Variants in VTI1A observed in about 807,000 individuals in gnomAD.
The protein encoded by VTI1A is vesicle transport through interaction with t-SNAREs homolog 1A.
A neutral mutation model predicts 34.9 loss-of-function variants in VTI1A; 22 were observed. The observed-to-expected ratio is 0.63, with a 90% CI of 0.45 to 0.90. VTI1A has a LOEUF of 0.90. Ranked by LOEUF, VTI1A falls within the 40% of genes least tolerant of loss-of-function variation. The pLI is 0.00. For missense variants in VTI1A, 268 were observed against 275.6 expected, an observed-to-expected ratio of 0.97 and a Z score of 0.20; for synonymous variants, 87 against 97.3, an observed-to-expected ratio of 0.89 and a Z score of 0.62.
Position 112,642,364 on chromosome 10 carries a change from C to A in VTI1A, c.428-25854C>A, listed in dbSNP as rs190184185. 3.0e-4 allele frequency among the ~76,000 whole-genome samples: 46 copies of A among 152,304 alleles called. No homozygotes were observed. The East Asian group carries it at 7.7e-3, about 26-fold the overall frequency. Reference sequence around the variant, plus strand: ...TGAGTTGTATTCCTCTGATCCCCCCCTCTCCATCAGTTCTATGGGTTATCA... The same window carrying A: ...TGAGTTGTATTCCTCTGATCCCCCCATCTCCATCAGTTCTATGGGTTATCA... On this transcript the variant is annotated intron_variant, in intron 5 of 7. Transcript: ENST00000393077.
chr10:112,818,384 C>T lies in VTI1A; in HGVS notation c.*3001C>T, dbSNP rs145220772. 0.014 allele frequency: 3,217 copies of T among 232,316 alleles called. 31 individuals are homozygous for T. Among genetic ancestry groups the T allele is most frequent in the Non-Finnish European group, 0.021 (2,506 of 117,400 alleles). 14.4% of individuals were successfully genotyped at this position (232,316 alleles called of 1,614,324 possible). On this transcript the variant is annotated 3_prime_UTR_variant, in exon 8 of 8. Coordinates refer to ENST00000393077, the MANE Select transcript of VTI1A (RefSeq NM_145206.4). ...AAACAGCATCCAGAGATTATCAACC[C>T]ATAGAAGAAGGGAGGGGAAAAAAAA...
chr10:112,815,264 GT>G (rs767799257), intron 7 of VTI1A, 25 bp from the exon 8 acceptor site: 20 of 1,603,282 alleles, frequency 1.2e-5, no homozygotes, highest in Non-Finnish European at 1.5e-5. Context: ...ATCTGTGTGT[GT>G]TTTTTCTCCT....
At chr10:112,760,383 C>G (rs1411704905) in intron 7 of VTI1A, among the ~76,000 whole-genome samples, 2 of 152,090 alleles carry the variant, frequency 1.3e-5, no homozygotes, top group Non-Finnish European at 2.9e-5. Context: ...TGGTCTCTCT[C>G]TCTCTCTCAA....
At chr10:112,530,809 G>A (rs1049024843) in intron 4 of VTI1A, among the ~76,000 whole-genome samples, 3 of 152,022 alleles carry the variant, frequency 2.0e-5, no homozygotes, top group Admixed American at 1.3e-4. Context: ...AAAGAAGGTC[G>A]GTATCATTTC....
the VTI1A span, chr10:112,831,529 C>T: frequency 3.1e-4 from 47 of 152,344 alleles, no homozygotes; most frequent in African/African-American, 1.1e-3. Flanking sequence ...TAAGAGGGAG[C>T]TGAGCAGCTT....
intron 5 of VTI1A, among the ~76,000 whole-genome samples, chr10:112,596,190 A>G (rs1173049816): frequency 1.3e-5 from 2 of 151,944 alleles, no homozygotes; most frequent in African/African-American, 4.8e-5. Context: ...GAGGGATAGC[A>G]TTAGGAGATA....
At chr10:112,611,091 T>G (rs980131173) in intron 5 of VTI1A, among the ~76,000 whole-genome samples, 2 of 152,204 alleles carry the variant, frequency 1.3e-5, no homozygotes, top group Non-Finnish European at 2.9e-5. Flanking sequence ...AGAGCTACTT[T>G]TAATCTCAGC....
chr10:112,829,202 T>G, the VTI1A span, among the ~76,000 whole-genome samples: 5 of 152,150 alleles, frequency 3.3e-5, no homozygotes, highest in African/African-American at 1.2e-4. Context: ...CCCAGCACTT[T>G]AGGAGGCCAA....
At chr10:112,836,755 G>T in the VTI1A span, among the ~76,000 whole-genome samples, 2 of 152,164 alleles carry the variant, frequency 1.3e-5, no homozygotes, top group Non-Finnish European at 2.9e-5. Context: ...ATGCGGCGGG[G>T]AGGGGGTATG....
rs1182923798 is a variant in VTI1A at position 112,818,702 on chromosome 10, TA to T, written c.*3320del. On this transcript the variant is annotated 3_prime_UTR_variant, in exon 8 of 8. Coordinates refer to ENST00000393077, the MANE Select transcript of VTI1A (RefSeq NM_145206.4). The stretch of plus-strand genomic sequence containing the variant: ...TTCTTTCATTATTAGTCCCCACCAT[TA>T]CGTTCATTAACAAATTGCATTAAAC... The T allele has an allele frequency of 4.9e-6, 1 of 202,840 alleles. No individual in the cohort carries two copies. The highest frequency in any genetic ancestry group is 1.0e-5 in the Non-Finnish European group (1 of 98,582). The allele number at this position is 202,840 out of a possible 1,614,324, so 12.6% of individuals were successfully genotyped here. A position where few individuals can be genotyped will look rare whatever the true frequency, so the allele number is the denominator to read the frequency against.
intron 7 of VTI1A, among the ~76,000 whole-genome samples, chr10:112,758,252 A>G (rs1372111908): frequency 6.6e-6 from 1 of 151,762 alleles, no homozygotes; most frequent in African/African-American, 2.4e-5. Context: ...ATTACTGCAG[A>G]TTTTCTCAAA....
chr10:112,668,267 G>A lies in VTI1A; in HGVS notation c.477G>A (p.Lys159=). Residue 159 remains lysine, a synonymous_variant, in exon 6 of 8, where the codon AAG becomes AAA. Coordinates refer to ENST00000393077, the MANE Select transcript of VTI1A (RefSeq NM_145206.4). ...AAAACCTTAGTCATGACAGAGAAAAGATACAGCGAGCACGTGAAAGAGTAA... is the reference window on the plus strand; with the variant it reads ...AAAACCTTAGTCATGACAGAGAAAAAATACAGCGAGCACGTGAAAGAGTAA... ...MLENLSHDRE[K]IQRARERLRE... 2 of 1,612,602 alleles carry A rather than the reference G, an allele frequency of 1.2e-6. No homozygotes were observed. The highest frequency in any genetic ancestry group is 2.2e-5 in the East Asian group (1 of 44,786).
intron 5 of VTI1A, among the ~76,000 whole-genome samples, chr10:112,568,432 G>A (rs1404393417): frequency 2.6e-5 from 4 of 151,930 alleles, no homozygotes; most frequent in Non-Finnish European, 5.9e-5. Flanking sequence ...TCTTGAGCCC[G>A]GGAGGCGGAG....
intron 5 of VTI1A, among the ~76,000 whole-genome samples, chr10:112,630,543 G>A (rs566921773): frequency 7.2e-5 from 11 of 152,268 alleles, no homozygotes; most frequent in Admixed American, 3.3e-4. Context: ...ATAAAGAAAT[G>A]GAAGCTCAGA....
At chr10:112,790,620 C>A (rs1428386074) in intron 7 of VTI1A, among the ~76,000 whole-genome samples, 1 of 152,182 alleles carries the variant, frequency 6.6e-6, no homozygotes, top group Non-Finnish European at 1.5e-5. Flanking sequence ...CTGGCAGCCC[C>A]ACCCTGGTAA....
rs142581128 is a variant in VTI1A, at chr10:112,587,029, C to T, written c.427+48699C>T. ...TTTTCATTTGTTTGTCTTTGACTTTCCTAGGCATTGCATTTAGGATCTGAG... is the reference window on the plus strand; with the variant it reads ...TTTTCATTTGTTTGTCTTTGACTTTTCTAGGCATTGCATTTAGGATCTGAG... On this transcript the variant is annotated intron_variant, in intron 5 of 7. Transcript: ENST00000393077. Among the ~76,000 whole-genome samples the T allele has an allele frequency of 2.8e-3, 421 of 152,170 alleles. 2 individuals are homozygous for T. Among genetic ancestry groups the T allele is most frequent in the African/African-American group, 9.8e-3 (408 of 41,522 alleles).
chr10:112,670,528 T>C (rs1236470699), intron 7 of VTI1A, among the ~76,000 whole-genome samples: 1 of 152,182 alleles, frequency 6.6e-6, no homozygotes, highest in Non-Finnish European at 1.5e-5. Flanking sequence ...ATGTTTCTGC[T>C]TGATCTACCT....
At chr10:112,512,829 G>A (rs868861246) in intron 3 of VTI1A, among the ~76,000 whole-genome samples, 13 of 152,198 alleles carry the variant, frequency 8.5e-5, no homozygotes, top group Middle Eastern at 3.4e-3. Context: ...GTTCTTGTGG[G>A]CTTTGTTGAA....
At chr10:112,611,232 G>C (rs1363503943) in intron 5 of VTI1A, among the ~76,000 whole-genome samples, 3 of 152,158 alleles carry the variant, frequency 2.0e-5, no homozygotes, top group African/African-American at 7.2e-5. Context: ...TTGTGAATAA[G>C]ATTTCTTGTC....
Sources: allele counts gnomAD v4.1 joint callset (sites outside exome capture counted in the v4.1 genomes callset), GRCh38; gene constraint gnomAD v4.1.1; transcripts MANE v1.5; gene names NCBI Gene and HGNC (gene_info 2026-07-23, HGNC 2026-07-21).